ILDR1: variants seen among roughly 807,000 people sequenced by gnomAD.
ILDR1 encodes the protein immunoglobulin like domain containing receptor 1, also known as immunoglobulin-like domain-containing receptor 1.
A neutral mutation model predicts 62.4 loss-of-function variants in ILDR1; 56 were observed. The ratio of observed to expected loss-of-function variants is 0.90; its 90% CI spans 0.72 to 1.12. The LOEUF (loss-of-function observed/expected upper bound fraction) is 1.12. Ranked by LOEUF, ILDR1 falls within the 50% of genes most tolerant of loss-of-function variation. The probability of loss-of-function intolerance (pLI) is 0.00; values close to 1 mark genes in which losing one functional copy is unlikely to be tolerated. For synonymous variants in ILDR1, 284 were observed against 277.8 expected, an observed-to-expected ratio of 1.02 and a Z score of -0.22; for missense variants, 736 against 710.6, an observed-to-expected ratio of 1.04 and a Z score of -0.41.
intron 3 of ILDR1, among the ~76,000 whole-genome samples, chr3:122,003,893 A>G (rs569196902): frequency 1.3e-5 from 2 of 152,292 alleles, no homozygotes; most frequent in African/African-American, 4.8e-5. Context: ...GAGGTCAGAT[A>G]AGAACAAATT....
At chr3:122,060,583 T>G in the ILDR1 span, among the ~76,000 whole-genome samples, 2 of 151,874 alleles carry the variant, frequency 1.3e-5, no homozygotes, top group Non-Finnish European at 2.9e-5. Context: ...AGGAGTTCCG[T>G]TCAAGACCAG....
chr3:122,006,845 T>A, intron 2 of ILDR1, 146 bp downstream of exon 2: 1 of 814,522 alleles, frequency 1.2e-6, no homozygotes, highest in Non-Finnish European at 1.9e-6. Flanking sequence ...TGTTTATCTA[T>A]AAAACAGAGG....
upstream of ILDR1, among the ~76,000 whole-genome samples, chr3:122,024,359 T>C (rs2071903919): frequency 6.6e-6 from 1 of 152,244 alleles, no homozygotes. Context: ...TGGGAAATAC[T>C]GGTGCTGTAA....
the ILDR1 span, among the ~76,000 whole-genome samples, chr3:122,052,119 G>C: frequency 2.6e-5 from 4 of 152,108 alleles, no homozygotes; most frequent in African/African-American, 9.7e-5. Flanking sequence ...CAGAATTCTG[G>C]ACACATGTTC....
the ILDR1 span, among the ~76,000 whole-genome samples, chr3:122,027,634 A>G: frequency 7.0e-4 from 107 of 152,246 alleles, 1 homozygote; most frequent in Admixed American, 7.0e-3. Flanking sequence ...TTTTTTCAGA[A>G]TTTTACAAAC....
At chr3:122,011,799 T>C (rs1357907659) in intron 1 of ILDR1, among the ~76,000 whole-genome samples, 1 of 151,980 alleles carries the variant, frequency 6.6e-6, no homozygotes, top group Non-Finnish European at 1.5e-5. Context: ...CACCGGGTGA[T>C]GTACATTCTT....
In ILDR1 at chr3:122,017,495, G is replaced by A. The variant is rs536689774; in HGVS notation, c.58+4525C>T. On this transcript the variant is annotated intron_variant, in intron 1 of 7. Transcript: ENST00000344209. ...TTTCACTGCATTGTTGTTGGGGCAA[G>A]ATGTTTAAACATTAGCATTTAGTTA... 2.0e-5 allele frequency among the ~76,000 whole-genome samples: 3 copies of A among 152,346 alleles called. No homozygotes were observed. The South Asian group carries it at 6.2e-4, about 32-fold the overall frequency.
the ILDR1 span, among the ~76,000 whole-genome samples, chr3:122,035,548 T>G: frequency 6.6e-6 from 1 of 152,188 alleles, no homozygotes; most frequent in South Asian, 2.1e-4. Flanking sequence ...TGGGGGCAGA[T>G]TTCCTCCTTG....
At chr3:122,022,362 C>T (rs2071874806), upstream of ILDR1, 1 of 370,078 alleles carries the variant, frequency 2.7e-6, no homozygotes, top group East Asian at 4.8e-5. Flanking sequence ...TACCTGCTGC[C>T]GCCTCCTGCT....
the ILDR1 span, among the ~76,000 whole-genome samples, chr3:122,061,126 G>A: frequency 6.6e-6 from 1 of 152,090 alleles, no homozygotes; most frequent in African/African-American, 2.4e-5. Flanking sequence ...ATGAACATTT[G>A]GTTAAGTGAA....
the ILDR1 span, among the ~76,000 whole-genome samples, chr3:122,042,792 T>G: frequency 6.6e-6 from 1 of 152,288 alleles, no homozygotes; most frequent in East Asian, 1.9e-4. Context: ...TTTGTCTGAG[T>G]TCATTGTAGA....
intron 1 of ILDR1, among the ~76,000 whole-genome samples, chr3:122,008,527 G>A (rs934613810): frequency 8.6e-5 from 13 of 152,026 alleles, no homozygotes; most frequent in African/African-American, 2.9e-4. Flanking sequence ...TTCTAGTTCC[G>A]TAGGACTTGG....
At chr3:122,024,020 C>G (rs956788957), upstream of ILDR1, among the ~76,000 whole-genome samples, 12 of 151,954 alleles carry the variant, frequency 7.9e-5, no homozygotes, top group African/African-American at 2.4e-4. Context: ...ATACCTCCCC[C>G]CCATACCCCT....
the ILDR1 span, among the ~76,000 whole-genome samples, chr3:122,053,377 G>A: frequency 6.6e-6 from 1 of 151,768 alleles, no homozygotes; most frequent in Non-Finnish European, 1.5e-5. Flanking sequence ...AACATTTATT[G>A]TTTTAAGGAA....
At chr3:122,025,659 G>A (rs2071912905), upstream of ILDR1, among the ~76,000 whole-genome samples, 1 of 152,158 alleles carries the variant, frequency 6.6e-6, no homozygotes. Flanking sequence ...TACTATATAT[G>A]TGCATCTGTG....
the ILDR1 span, among the ~76,000 whole-genome samples, chr3:122,048,314 T>C: frequency 3.9e-5 from 6 of 152,256 alleles, no homozygotes; most frequent in African/African-American, 7.2e-5. Context: ...ATCCTTTTAA[T>C]GTACTATAGA....
the ILDR1 span, among the ~76,000 whole-genome samples, chr3:122,057,570 G>T: frequency 6.6e-6 from 1 of 151,890 alleles, no homozygotes; most frequent in Non-Finnish European, 1.5e-5. Flanking sequence ...TTTTCAATTT[G>T]AATCCCATCT....
At chr3:122,026,685 C>A (rs531246188), upstream of ILDR1, among the ~76,000 whole-genome samples, 252 of 152,252 alleles carry the variant, frequency 1.7e-3, 1 homozygote, top group Non-Finnish European at 2.5e-3. Flanking sequence ...GAGAGACTTA[C>A]TTCTTGGCTA....
chr3:122,027,428 G>T, the ILDR1 span, among the ~76,000 whole-genome samples: 1 of 152,152 alleles, frequency 6.6e-6, no homozygotes, highest in Non-Finnish European at 1.5e-5. Context: ...GACCTCAGGT[G>T]GTCCACCCGC....
Sources: allele counts gnomAD v4.1 joint callset (sites outside exome capture counted in the v4.1 genomes callset), GRCh38; gene constraint gnomAD v4.1.1; transcripts MANE v1.5; gene names NCBI Gene and HGNC (gene_info 2026-07-23, HGNC 2026-07-21).